MAP2: variants seen among roughly 807,000 people sequenced by gnomAD.
The protein encoded by MAP2 is microtubule associated protein 2.
Under a neutral mutation model 137.6 loss-of-function variants are expected in MAP2, and 14 were observed. That is an observed-to-expected ratio of 0.10 (90% CI 0.07 to 0.16). The LOEUF is 0.16. MAP2 is among the 10% of genes least tolerant of loss of function. MAP2 has a pLI of 1.00. For missense variants in MAP2, 2,088 were observed against 2,191.5 expected (o/e 0.95, Z 0.94); for synonymous variants, 786 against 782.3 (o/e 1.00, Z -0.08).
intron 11 of MAP2, among the ~76,000 whole-genome samples, chr2:209,701,277 T>G (rs769264388): frequency 1.3e-5 from 2 of 151,912 alleles, no homozygotes; most frequent in Non-Finnish European, 2.9e-5. Flanking sequence ...ATGGCATATA[T>G]TATTATTTTA....
At chr2:209,712,630 G>A (rs1011857965) in intron 13 of MAP2, among the ~76,000 whole-genome samples, 2 of 152,028 alleles carry the variant, frequency 1.3e-5, no homozygotes, top group Non-Finnish European at 2.9e-5. Context: ...AAATAATAGC[G>A]CATTGCAATT....
chr2:209,439,906 C>T (rs1697334790), intron 1 of MAP2, among the ~76,000 whole-genome samples: 1 of 151,138 alleles, frequency 6.6e-6, no homozygotes, highest in South Asian at 2.1e-4. Context: ...TCTTACTGAC[C>T]CCTATTTATT....
chr2:209,590,392 A>G (rs533160368), intron 3 of MAP2, among the ~76,000 whole-genome samples: 10 of 152,068 alleles, frequency 6.6e-5, no homozygotes, highest in East Asian at 1.9e-4. Context: ...CTGGAGTGCA[A>G]TGGTGCAATC....
chr2:209,641,345 A>T (rs181689473), intron 4 of MAP2, among the ~76,000 whole-genome samples: 1 of 152,258 alleles, frequency 6.6e-6, no homozygotes, highest in East Asian at 1.9e-4. Context: ...TATTTATCCA[A>T]ATCCAAATTA....
chr2:209,704,307 T>C (rs1346759650), intron 11 of MAP2: 1 of 662,540 alleles, frequency 1.5e-6, no homozygotes, highest in Non-Finnish European at 2.5e-6. Context: ...AGTACACATC[T>C]CTATCATTGA....
At chr2:209,547,539 G>A (rs1174639293) in intron 2 of MAP2, among the ~76,000 whole-genome samples, 1 of 152,078 alleles carries the variant, frequency 6.6e-6, no homozygotes, top group East Asian at 1.9e-4. Context: ...AAGTGACATT[G>A]CTAATAAAAA....
chr2:209,511,333 C>T (rs1480447298), intron 2 of MAP2, among the ~76,000 whole-genome samples: 2 of 151,970 alleles, frequency 1.3e-5, no homozygotes, highest in Admixed American at 6.6e-5. Flanking sequence ...CCATGAAGAC[C>T]CTACCTCCAA....
chr2:209,701,393 A>G (rs533244476), intron 11 of MAP2, among the ~76,000 whole-genome samples: 53 of 151,914 alleles, frequency 3.5e-4, no homozygotes, highest in African/African-American at 1.3e-3. Context: ...CTGTATTTTA[A>G]TGACCAAAGC....
chr2:209,652,015 G>A (rs2094837063), intron 4 of MAP2, among the ~76,000 whole-genome samples: 1 of 152,142 alleles, frequency 6.6e-6, no homozygotes, highest in Non-Finnish European at 1.5e-5. Context: ...AAAGGAAGAT[G>A]TTCTTAGTTT....
chr2:209,432,766 C>T (rs955291938), intron 1 of MAP2, among the ~76,000 whole-genome samples: 28 of 152,098 alleles, frequency 1.8e-4, no homozygotes, highest in African/African-American at 5.6e-4. Context: ...GCATATTGGT[C>T]TTCCTCTGAA....
At chr2:209,579,902 A>G (rs1025273754) in intron 2 of MAP2, 134 bp from the exon 3 acceptor site, 2 of 151,886 alleles carry the variant, frequency 1.3e-5, no homozygotes, top group African/African-American at 2.4e-5. Context: ...TTTTTGTGCT[A>G]CAGACCTCCA....
At chr2:209,487,031 C>T (rs1458009098) in intron 1 of MAP2, among the ~76,000 whole-genome samples, 1 of 152,020 alleles carries the variant, frequency 6.6e-6, no homozygotes. Context: ...GTTTTTTGGT[C>T]CCTTTTATGT....
chr2:209,451,384 A>G (rs1262461364), intron 1 of MAP2, among the ~76,000 whole-genome samples: 1 of 152,166 alleles, frequency 6.6e-6, no homozygotes, highest in Non-Finnish European at 1.5e-5. Context: ...GAGCAAGGCC[A>G]GCTCTTTATT....
chr2:209,604,690 A>G (rs1380597227), intron 3 of MAP2, among the ~76,000 whole-genome samples: 1 of 152,168 alleles, frequency 6.6e-6, no homozygotes, highest in Non-Finnish European at 1.5e-5. Context: ...CCCTGCGCAC[A>G]TGCTTTTTGT....
intron 3 of MAP2, among the ~76,000 whole-genome samples, chr2:209,588,510 A>C (rs1384057903): frequency 6.6e-6 from 1 of 152,210 alleles, no homozygotes; most frequent in Non-Finnish European, 1.5e-5. Flanking sequence ...TAACCAAAAT[A>C]TCTTTCTTCA....
chr2:209,523,026 A>G (rs1463095123), intron 2 of MAP2, among the ~76,000 whole-genome samples: 1 of 152,132 alleles, frequency 6.6e-6, no homozygotes, highest in African/African-American at 2.4e-5. Flanking sequence ...AAAATCTGAC[A>G]TTTGCATTCA....
chr2:209,731,777 A>G lies in MAP2; in HGVS notation c.*1380A>G, dbSNP rs1485056799. 6.6e-6 allele frequency: 1 copy of G among 152,214 alleles called. No homozygotes were observed. The highest frequency in any genetic ancestry group is 2.4e-5 in the African/African-American group (1 of 41,444). 9.4% of individuals were successfully genotyped at this position (152,214 alleles called of 1,614,324 possible). A position where few individuals can be genotyped will look rare whatever the true frequency, so the allele number is the denominator to read the frequency against. ...TACCCAAAGTAAAGATCCCCTGATC[A>G]GAAAGAAAAAATACAATACTTTGGG... On this transcript the variant is annotated 3_prime_UTR_variant, in exon 16 of 16. Transcript: ENST00000682079.
At chr2:209,479,511 A>G (rs1708215562) in intron 1 of MAP2, among the ~76,000 whole-genome samples, 1 of 152,184 alleles carries the variant, frequency 6.6e-6, no homozygotes, top group Non-Finnish European at 1.5e-5. Flanking sequence ...TGAGCTGGAA[A>G]TCGGAAATTC....
chr2:209,606,633 TATGAAAG>T (rs903495710), intron 3 of MAP2, among the ~76,000 whole-genome samples: 1 of 152,178 alleles, frequency 6.6e-6, no homozygotes, highest in African/African-American at 2.4e-5. Context: ...AAATTGGACA[TATGAAAG>T]AGCTTTAGAA....
Sources: gnomAD v4.1 joint callset for allele counts (sites outside exome capture counted in the v4.1 genomes callset) on GRCh38, gnomAD v4.1.1 for gene constraint, MANE v1.5 for transcripts, NCBI Gene and HGNC (gene_info 2026-07-23, HGNC 2026-07-21) for gene names.